The following CLDN16 variants were observed in gnomAD, a reference collection of about 807,000 sequenced individuals.
CLDN16 encodes the protein claudin 16.
CLDN16 carries 13 observed loss-of-function variants against 24.6 expected under a neutral mutation model. That is an observed-to-expected ratio of 0.53 (90% CI 0.34 to 0.84). The LOEUF (loss-of-function observed/expected upper bound fraction) is 0.84. Ranked by LOEUF, CLDN16 falls within the 40% of genes least tolerant of loss-of-function variation. CLDN16 has a pLI of 0.01. For synonymous variants in CLDN16, 116 were observed against 106.7 expected (o/e 1.09, Z -0.54); for missense variants, 298 against 292.7 (o/e 1.02, Z -0.13).
chr3:190,337,983 A>G (rs77435522), intron 1 of CLDN16, among the ~76,000 whole-genome samples: 10,728 of 152,214 alleles, frequency 0.07, 564 homozygotes, highest in African/African-American at 0.14. Context: ...TACCATCTTG[A>G]AGATGATGCC....
At chr3:190,313,191 C>A in the CLDN16 span, 2 of 739,832 alleles carry the variant, frequency 2.7e-6, no homozygotes, top group Non-Finnish European at 2.2e-6. Context: ...GCTGGTAACC[C>A]AATATACAGT....
At chr3:190,340,971 C>T (rs1717415787) in intron 1 of CLDN16, among the ~76,000 whole-genome samples, 2 of 152,198 alleles carry the variant, frequency 1.3e-5, no homozygotes, top group African/African-American at 4.8e-5. Context: ...GGTCTCACGA[C>T]CAGGTCATGC....
intron 3 of CLDN16, among the ~76,000 whole-genome samples, chr3:190,382,025 GA>G (rs950218064): frequency 3.7e-4 from 54 of 144,848 alleles, no homozygotes; most frequent in Admixed American, 2.0e-3. Flanking sequence ...TGAGTCAAAA[GA>G]AAAAAAAAAG....
chr3:190,389,844 T>G (rs887528705), intron 1 of CLDN16, among the ~76,000 whole-genome samples: 3 of 152,234 alleles, frequency 2.0e-5, no homozygotes, highest in African/African-American at 7.2e-5. Context: ...TTGAGCATAA[T>G]TATAATTATG....
chr3:190,407,627 C>A (rs367560937), intron 3 of CLDN16, among the ~76,000 whole-genome samples: 1 of 152,108 alleles, frequency 6.6e-6, no homozygotes, highest in Admixed American at 6.6e-5. Context: ...TCATTTCAAA[C>A]CAGTTAATTG....
the CLDN16 span, among the ~76,000 whole-genome samples, chr3:190,300,445 G>A: frequency 6.6e-6 from 1 of 152,146 alleles, no homozygotes; most frequent in Non-Finnish European, 1.5e-5. Context: ...ACAGGTGTCA[G>A]ACCAGGCTGT....
chr3:190,313,194 T>C, the CLDN16 span: 2 of 717,794 alleles, frequency 2.8e-6, no homozygotes, highest in Non-Finnish European at 4.6e-6. Flanking sequence ...GGTAACCCAA[T>C]ATACAGTATC....
intron 1 of CLDN16, among the ~76,000 whole-genome samples, chr3:190,370,501 T>C (rs1169849537): frequency 6.6e-6 from 1 of 151,942 alleles, no homozygotes; most frequent in Non-Finnish European, 1.5e-5. Context: ...TTAGAGTTTC[T>C]AAATGTGGCC....
chr3:190,295,567 A>C, the CLDN16 span, among the ~76,000 whole-genome samples: 1 of 152,172 alleles, frequency 6.6e-6, no homozygotes, highest in Admixed American at 6.5e-5. Context: ...GCTGTTTTGT[A>C]AATGTACAAC....
At chr3:190,326,855 T>C (rs2108620350) in intron 1 of CLDN16, among the ~76,000 whole-genome samples, 1 of 152,296 alleles carries the variant, frequency 6.6e-6, no homozygotes, top group Admixed American at 6.5e-5. Flanking sequence ...GACTGTTCCT[T>C]TTATCCTTTC....
intron 1 of CLDN16, among the ~76,000 whole-genome samples, chr3:190,334,012 A>T (rs1220438375): frequency 6.6e-6 from 1 of 152,140 alleles, no homozygotes; most frequent in East Asian, 1.9e-4. Flanking sequence ...TAGAGTTGCC[A>T]TTAAAAAGAT....
intron 1 of CLDN16, among the ~76,000 whole-genome samples, chr3:190,361,061 T>A (rs995934721): frequency 2.0e-5 from 3 of 152,042 alleles, no homozygotes; most frequent in African/African-American, 7.2e-5. Context: ...TTCAATTTTA[T>A]TTATGTTAAA....
the CLDN16 span, among the ~76,000 whole-genome samples, chr3:190,291,403 T>C: frequency 2.6e-5 from 4 of 152,082 alleles, no homozygotes; most frequent in Non-Finnish European, 4.4e-5. Context: ...ACATCTTATA[T>C]GGCCACAGGC....
At chr3:190,343,002 C>T (rs1305981320) in intron 1 of CLDN16, among the ~76,000 whole-genome samples, 1 of 151,932 alleles carries the variant, frequency 6.6e-6, no homozygotes, top group Non-Finnish European at 1.5e-5. Context: ...GCAAAGAAAA[C>T]AATCAACAAA....
chr3:190,385,668 T>C (rs116674358), upstream of CLDN16, among the ~76,000 whole-genome samples: 1,165 of 152,268 alleles, frequency 7.7e-3, 17 homozygotes, highest in African/African-American at 0.027. Context: ...TTTTTGGTCT[T>C]TATTTCTTTC....
At chr3:190,339,047 G>A (rs960972338) in intron 1 of CLDN16, among the ~76,000 whole-genome samples, 4 of 151,984 alleles carry the variant, frequency 2.6e-5, no homozygotes, top group African/African-American at 9.7e-5. Context: ...ATAAGACAGT[G>A]CAGCTCTCTT....
the CLDN16 span, among the ~76,000 whole-genome samples, chr3:190,291,925 T>TA: frequency 1.3e-5 from 2 of 152,274 alleles, no homozygotes; most frequent in South Asian, 4.2e-4. Context: ...GCACACTGAT[T>TA]AAGGGGGCGG....
rs113065144 is a variant in CLDN16, at chr3:190,354,424, A to G, written n.122-16469A>G. 6.7e-3 allele frequency among the ~76,000 whole-genome samples: 1,020 copies of G among 151,914 alleles called. 5 individuals carry two copies. The highest frequency in any genetic ancestry group is 0.011 in the Non-Finnish European group (744 of 67,902). On this transcript the variant is annotated intron_variant and non_coding_transcript_variant, in intron 1 of 4. Coordinates refer to the CLDN16 transcript ENST00000468220. ...GTGGAACTGTCACATGATGGATTTC[A>G]TTTTTAATTACTTTATATAAAAAGG...
the CLDN16 span, among the ~76,000 whole-genome samples, chr3:190,315,399 C>T: frequency 3.3e-5 from 5 of 152,060 alleles, no homozygotes; most frequent in Non-Finnish European, 5.9e-5. Flanking sequence ...CAAAGTAAAA[C>T]GAAGTTTAGC....
Sources: allele counts gnomAD v4.1 joint callset (sites outside exome capture counted in the v4.1 genomes callset), GRCh38; gene constraint gnomAD v4.1.1; transcripts MANE v1.5; gene names NCBI Gene and HGNC (gene_info 2026-07-23, HGNC 2026-07-21).